The following TRUB1 variants were observed in gnomAD, a reference collection of about 807,000 sequenced individuals.
The protein encoded by TRUB1 is pseudouridylate synthase TRUB1.
A neutral mutation model predicts 33.9 loss-of-function variants in TRUB1; 23 were observed. That is an observed-to-expected ratio of 0.68 (90% CI 0.49 to 0.96). The LOEUF is 0.96. Ranked by LOEUF, TRUB1 falls within the 40% of genes least tolerant of loss-of-function variation. The pLI is 0.00. For synonymous variants in TRUB1, 163 were observed against 165.4 expected (o/e 0.99, Z 0.11); for missense variants, 378 against 422.2 (o/e 0.90, Z 0.92).
At chr10:114,954,147 A>G (rs1280868700) in intron 3 of TRUB1, among the ~76,000 whole-genome samples, 1 of 152,064 alleles carries the variant, frequency 6.6e-6, no homozygotes, top group East Asian at 1.9e-4. Flanking sequence ...TTGACAGATG[A>G]ATTTTTATTT....
At chr10:114,942,842 C>A in intron 2 of TRUB1, 99 bp downstream of exon 2, 1 of 794,118 alleles carries the variant, frequency 1.3e-6, no homozygotes, top group Non-Finnish European at 2.1e-6. Context: ...TTCTATTTTT[C>A]AGTCATTTTG....
chr10:114,953,869 T>C (rs1483164456), intron 3 of TRUB1, among the ~76,000 whole-genome samples: 5 of 152,068 alleles, frequency 3.3e-5, no homozygotes, highest in Admixed American at 1.3e-4. Flanking sequence ...AGATCTCGCG[T>C]GAACTCATTG....
At position 114,975,134 on chromosome 10, in the gene TRUB1, T is replaced by G. The variant is rs771924475; in HGVS notation, c.805T>G (p.Cys269Gly). Residue 269 changes from cysteine to glycine, a missense_variant, in exon 8 of 8, where the codon TGT (cysteine) becomes GGT (glycine). Transcript: ENST00000298746. The part of the protein sequence containing the change: ...VSDIGKELSS[C>G]ANVLELTRTK... ...TTTTGTTGCCATAGAACTATCTTCCTGTGCCAATGTGCTAGAGCTGACCCG... is the reference window on the plus strand; with the variant it reads ...TTTTGTTGCCATAGAACTATCTTCCGGTGCCAATGTGCTAGAGCTGACCCG... The G allele has an allele frequency of 6.2e-7, 1 of 1,610,032 alleles. No individual in the cohort carries two copies. The highest frequency in any genetic ancestry group is 8.5e-7 in the Non-Finnish European group (1 of 1,178,626).
intron 2 of TRUB1, among the ~76,000 whole-genome samples, chr10:114,950,047 C>T (rs143828421): frequency 6.2e-4 from 94 of 152,022 alleles, no homozygotes; most frequent in African/African-American, 2.0e-3. Flanking sequence ...TACAGGCATG[C>T]GCCACCATAC....
chr10:114,960,491 A>G (rs970121751), intron 4 of TRUB1, among the ~76,000 whole-genome samples: 16 of 152,066 alleles, frequency 1.1e-4, no homozygotes, highest in Non-Finnish European at 2.1e-4. Context: ...GTTTAGTGTT[A>G]TCTCTTAGTC....
At chr10:114,974,066 G>C (rs933884449) in intron 6 of TRUB1, among the ~76,000 whole-genome samples, 2 of 152,126 alleles carry the variant, frequency 1.3e-5, no homozygotes, top group African/African-American at 4.8e-5. Context: ...AATGAACAAG[G>C]CTGAAGTATT....
chr10:114,967,725 T>C (rs1334400548), intron 4 of TRUB1, among the ~76,000 whole-genome samples: 5 of 152,228 alleles, frequency 3.3e-5, no homozygotes, highest in African/African-American at 1.2e-4. Context: ...ATTCTGTTTC[T>C]TTTTAAATAC....
intron 4 of TRUB1, among the ~76,000 whole-genome samples, chr10:114,964,558 C>T (rs557105822): frequency 3.3e-5 from 5 of 152,094 alleles, no homozygotes; most frequent in Non-Finnish European, 7.4e-5. Flanking sequence ...CAGGCCTTCT[C>T]CTTTATGGTT....
intron 3 of TRUB1, among the ~76,000 whole-genome samples, chr10:114,954,220 G>T (rs139689646): frequency 2.0e-5 from 3 of 152,154 alleles, no homozygotes; most frequent in Non-Finnish European, 2.9e-5. Flanking sequence ...TACGTCAAGA[G>T]TAGAAATATT....
rs77419234 is a variant in TRUB1, at chr10:114,962,487, G to C, written c.523+2680G>C. 9.3e-3 allele frequency among the ~76,000 whole-genome samples: 1,420 copies of C among 152,324 alleles called. 23 individuals carry two copies. The highest frequency in any genetic ancestry group is 0.032 in the African/African-American group (1,341 of 41,562). ...GTTAAAAATAGTATTTGTCTAGATA[G>C]GACAAAATGACTTAAGAACATTAAT... On this transcript the variant is annotated intron_variant, in intron 4 of 7. Transcript: ENST00000298746.
At position 114,970,346 on chromosome 10, in the gene TRUB1, CTT is replaced by C. The variant is rs1253453156; in HGVS notation, c.524-17_524-16del. On this transcript the variant is annotated intron_variant, in intron 4 of 7. Transcript: ENST00000298746. Reference sequence around the variant, plus strand: ...TGTACTTCTGTGGTTGTTTTAGTGTCTTTTTTGTTGATTTTTGGCAGATAAAA... The same window carrying C: ...TGTACTTCTGTGGTTGTTTTAGTGTCTTTTGTTGATTTTTGGCAGATAAAA... 18 of 1,564,718 alleles carry C rather than the reference CTT, an allele frequency of 1.2e-5. No homozygotes were observed. Among genetic ancestry groups the C allele is most frequent in the Non-Finnish European group, 1.4e-5 (16 of 1,139,128 alleles).
Position 114,938,506 on chromosome 10 carries a change from C to A in TRUB1, c.253C>A (p.Leu85Met). The part of the protein sequence containing the change: ...HKPKGPTSAE[L>M]LNRLKEKLLA... ...GCCCAAAGGGCCCACTTCAGCCGAG[C>A]TGCTGAATCGGTTGAAGGAGAAGCT... The change falls in exon 1 of 8, where the codon CTG becomes ATG. Residue 85 changes from leucine (L) to methionine (M), a missense_variant. Coordinates refer to ENST00000298746, the MANE Select transcript of TRUB1 (RefSeq NM_139169.5). 1 of 1,562,412 alleles carries A rather than the reference C, an allele frequency of 6.4e-7. No individual in the cohort carries two copies. Among genetic ancestry groups the A allele is most frequent in the Non-Finnish European group, 8.6e-7 (1 of 1,157,942 alleles).
Position 114,938,491 on chromosome 10 carries a change from C to T in TRUB1, c.238C>T (p.Pro80Ser). 1 of 1,573,388 alleles carries T rather than the reference C, an allele frequency of 6.4e-7. No homozygotes were observed. Among genetic ancestry groups the T allele is most frequent in the Non-Finnish European group, 8.6e-7 (1 of 1,162,952 alleles). Reference sequence around the variant, plus strand: ...GTTCGCCGTGCACAAGCCCAAAGGGCCCACTTCAGCCGAGCTGCTGAATCG... The same window carrying T: ...GTTCGCCGTGCACAAGCCCAAAGGGTCCACTTCAGCCGAGCTGCTGAATCG... ...GVFAVHKPKG[P>S]TSAELLNRLK... Residue 80 changes from proline (P) to serine (S), a missense_variant, in exon 1 of 8, where the codon CCC becomes TCC. Pro to Ser is a moderately conservative substitution (Grantham distance 74, BLOSUM62 -1). Coordinates refer to ENST00000298746, the MANE Select transcript of TRUB1 (RefSeq NM_139169.5).
intron 3 of TRUB1, among the ~76,000 whole-genome samples, chr10:114,951,438 T>C (rs1215021599): frequency 3.9e-5 from 6 of 152,228 alleles, no homozygotes; most frequent in Non-Finnish European, 1.5e-5. Flanking sequence ...GATTGGGACT[T>C]AGAGGTCATA....
At position 114,974,377 on chromosome 10, in the gene TRUB1, T is replaced by C. The variant is rs754727068; in HGVS notation, c.785T>C (p.Ile262Thr). Residue 262 changes from isoleucine to threonine, a missense_variant, in exon 7 of 8, where the codon ATT (isoleucine) becomes ACT (threonine). Ile to Thr is a moderately conservative substitution (Grantham distance 89). Transcript: ENST00000298746. ...GFYIRSLVSD[I>T]GKELSSCANV... ...TATATCAGAAGCTTGGTCAGTGACA[T>C]TGGAAAAGGTAAGCATAAAAATGAA... 1.2e-6 allele frequency: 2 copies of C among 1,611,900 alleles called. No individual in the cohort carries two copies. Among genetic ancestry groups the C allele is most frequent in the Non-Finnish European group, 1.7e-6 (2 of 1,178,332 alleles).
In TRUB1 at chr10:114,970,437, C is replaced by A. The variant is rs750599308; in HGVS notation, c.593C>A (p.Pro198His). 1 of 1,605,416 alleles carries A rather than the reference C, an allele frequency of 6.2e-7. No homozygotes were observed. Among genetic ancestry groups the A allele is most frequent in the Admixed American group, 1.7e-5 (1 of 59,918 alleles). Residue 198 changes from proline to histidine, a missense_variant, in exon 5 of 8, where the codon CCC becomes CAC. Pro to His is a moderately conservative substitution (Grantham distance 77). Coordinates refer to ENST00000298746, the MANE Select transcript of TRUB1 (RefSeq NM_139169.5). ...KFTGNIMQVP[P>H]LYSALKKDGQ... ...ACTGGAAATATAATGCAAGTGCCCC[C>A]CCTGTAAGTTCAATTAGTAAATTTG...
chr10:114,963,733 T>A (rs1564700731), intron 4 of TRUB1, among the ~76,000 whole-genome samples: 1 of 152,248 alleles, frequency 6.6e-6, no homozygotes, highest in Non-Finnish European at 1.5e-5. Context: ...ATGTGTCCTT[T>A]GGTGTCTAAA....
rs2084337601 is a variant in TRUB1, at chr10:114,971,748, C to T, written c.597-387C>T. Among the ~76,000 whole-genome samples the T allele has an allele frequency of 2.0e-5, 3 of 152,158 alleles. No individual in the cohort carries two copies. In the South Asian group the frequency reaches 6.2e-4, roughly 32 times the overall value. On this transcript the variant is annotated intron_variant, in intron 5 of 7. Transcript: ENST00000298746. ...ATGAATATTATAGTAGAGATTGTTT[C>T]AAGGAAATATAGCTGAGAGTATTAT...
intron 3 of TRUB1, among the ~76,000 whole-genome samples, chr10:114,951,547 G>T (rs1011975167): frequency 1.9e-4 from 29 of 152,078 alleles, no homozygotes; most frequent in African/African-American, 6.8e-4. Flanking sequence ...TTGTTCAATG[G>T]TTATAAATGT....
Sources: allele counts gnomAD v4.1 joint callset (sites outside exome capture counted in the v4.1 genomes callset), GRCh38; gene constraint gnomAD v4.1.1; transcripts MANE v1.5; gene names NCBI Gene and HGNC (gene_info 2026-07-23, HGNC 2026-07-21).